The following CDYL variants were observed in gnomAD, a reference collection of about 807,000 sequenced individuals.
CDYL encodes the protein chromodomain Y like.
Under a neutral mutation model 47.3 loss-of-function variants are expected in CDYL, and 8 were observed. The observed-to-expected ratio is 0.17, with a 90% CI of 0.10 to 0.31. The LOEUF is 0.31. Among genes scored for constraint, CDYL ranks in the 10% least tolerant of loss-of-function variants. The pLI is 1.00. For missense variants in CDYL, 471 were observed against 701.4 expected, an observed-to-expected ratio of 0.67 and a Z score of 3.71; for synonymous variants, 266 against 265.0, an observed-to-expected ratio of 1.00 and a Z score of -0.04.
chr6:4,747,914 A>G (rs577066808), intron 3 of CDYL, among the ~76,000 whole-genome samples: 3 of 152,302 alleles, frequency 2.0e-5, no homozygotes, highest in East Asian at 1.9e-4. Context: ...TTCCTTCTAC[A>G]TTGTAAGTTC....
In CDYL at chr6:4,829,130, T is replaced by G. The variant is rs1365644461; in HGVS notation, c.24+52323T>G. On this transcript the variant is annotated intron_variant, in intron 1 of 6. Transcript: ENST00000397588. ...GAATGAATTGTACTTCCCTATTTCT[T>G]TATATGCTTTGTGGGGTTTTTGTTG... 2.0e-5 allele frequency among the ~76,000 whole-genome samples: 3 copies of G among 152,168 alleles called. No homozygotes were observed. The East Asian group carries it at 5.8e-4, about 29-fold the overall frequency.
chr6:4,814,629 A>G (rs1759619225), intron 1 of CDYL, among the ~76,000 whole-genome samples: 1 of 152,106 alleles, frequency 6.6e-6, no homozygotes, highest in Non-Finnish European at 1.5e-5. Flanking sequence ...AGGTTCAAGC[A>G]ATTCTCGTGC....
intron 1 of CDYL, among the ~76,000 whole-genome samples, chr6:4,826,179 C>A (rs1318716113): frequency 6.6e-6 from 1 of 152,192 alleles, no homozygotes; most frequent in African/African-American, 2.4e-5. Context: ...ACCTTATGAG[C>A]AGGTGGTTTA....
In CDYL at chr6:4,955,128, T is replaced by A. The variant is rs1328150385; in HGVS notation, c.*1072T>A. ...CATTTAATGTTCTTGGCCTCTGCTT[T>A]TATGTCTATACAATATACTGAGTTC... On this transcript the variant is annotated 3_prime_UTR_variant, in exon 7 of 7. Coordinates refer to ENST00000397588, the MANE Select transcript of CDYL (RefSeq NM_004824.4). The A allele has an allele frequency of 6.6e-6, 1 of 152,662 alleles. No individual in the cohort carries two copies. Among genetic ancestry groups the A allele is most frequent in the African/African-American group, 2.4e-5 (1 of 41,450 alleles). 9.5% of individuals were successfully genotyped at this position (152,662 alleles called of 1,614,324 possible).
chr6:4,830,963 A>G (rs1427765751), intron 1 of CDYL, among the ~76,000 whole-genome samples: 1 of 152,040 alleles, frequency 6.6e-6, no homozygotes, highest in African/African-American at 2.4e-5. Flanking sequence ...ATAGTATTCC[A>G]TGGTGTATAT....
chr6:4,716,666 C>T (rs1000320466), intron 2 of CDYL, among the ~76,000 whole-genome samples: 1 of 144,190 alleles, frequency 6.9e-6, no homozygotes, highest in African/African-American at 2.6e-5. Flanking sequence ...AGATAGAATG[C>T]AAAAGTGGTT....
intron 1 of CDYL, among the ~76,000 whole-genome samples, chr6:4,844,830 G>C (rs759781501): frequency 2.0e-5 from 3 of 151,922 alleles, no homozygotes; most frequent in Non-Finnish European, 4.4e-5. Context: ...GAGATGTGAA[G>C]TATTATAGCT....
intron 1 of CDYL, among the ~76,000 whole-genome samples, chr6:4,855,783 T>G (rs1469204018): frequency 1.3e-5 from 2 of 152,232 alleles, no homozygotes; most frequent in African/African-American, 4.8e-5. Context: ...TGGCTCGTTT[T>G]ATGAAATGAT....
At chr6:4,760,031 T>C (rs1228518533) in intron 3 of CDYL, among the ~76,000 whole-genome samples, 2 of 151,826 alleles carry the variant, frequency 1.3e-5, no homozygotes, top group Non-Finnish European at 2.9e-5. Flanking sequence ...TTTACCCCTA[T>C]TCTCAAAAGC....
At chr6:4,851,214 T>C (rs1760816522) in intron 1 of CDYL, among the ~76,000 whole-genome samples, 1 of 152,222 alleles carries the variant, frequency 6.6e-6, no homozygotes, top group Non-Finnish European at 1.5e-5. Flanking sequence ...GGGCCAAAGT[T>C]ACCTTTGGTT....
intron 3 of CDYL, among the ~76,000 whole-genome samples, chr6:4,735,801 C>T (rs1007678372): frequency 3.9e-5 from 6 of 152,074 alleles, no homozygotes; most frequent in South Asian, 4.2e-4. Flanking sequence ...TTAATGTATA[C>T]GTGCACCCCC....
chr6:4,888,993 A>C (rs1223279284), intron 1 of CDYL, among the ~76,000 whole-genome samples: 1 of 152,222 alleles, frequency 6.6e-6, no homozygotes, highest in Non-Finnish European at 1.5e-5. Flanking sequence ...CTTAAGACTT[A>C]GCATATGGTC....
chr6:4,794,398 G>A (rs549430384), intron 1 of CDYL, among the ~76,000 whole-genome samples: 1 of 152,138 alleles, frequency 6.6e-6, no homozygotes, highest in South Asian at 2.1e-4. Context: ...GGAGTATGGA[G>A]ACTGGAGTCT....
At chr6:4,754,752 A>G (rs1275264755) in intron 3 of CDYL, among the ~76,000 whole-genome samples, 1 of 152,194 alleles carries the variant, frequency 6.6e-6, no homozygotes, top group Non-Finnish European at 1.5e-5. Context: ...TTTGATTACT[A>G]TAATTTCGAA....
chr6:4,723,528 G>A (rs1370535620), intron 2 of CDYL, among the ~76,000 whole-genome samples: 1 of 152,138 alleles, frequency 6.6e-6, no homozygotes, highest in Non-Finnish European at 1.5e-5. Context: ...AGTGGGGGCT[G>A]CCAGCACCTG....
chr6:4,749,132 TG>T (rs1020276330), intron 3 of CDYL, among the ~76,000 whole-genome samples: 1 of 152,148 alleles, frequency 6.6e-6, no homozygotes, highest in African/African-American at 2.4e-5. Context: ...TCTCAAAAAC[TG>T]GGGGGAAAAA....
At chr6:4,725,717 C>A (rs541211302) in intron 2 of CDYL, among the ~76,000 whole-genome samples, 52 of 152,362 alleles carry the variant, frequency 3.4e-4, no homozygotes, top group African/African-American at 1.2e-3. Flanking sequence ...CTGAGGGAAG[C>A]AGCTCCAGCC....
intron 1 of CDYL, among the ~76,000 whole-genome samples, chr6:4,864,397 A>T (rs140444735): frequency 9.8e-5 from 15 of 152,320 alleles, no homozygotes; most frequent in African/African-American, 2.4e-4. Context: ...TTATTGACTA[A>T]AATTTGTAGC....
intron 3 of CDYL, among the ~76,000 whole-genome samples, chr6:4,757,823 G>A (rs1254318784): frequency 2.0e-5 from 3 of 152,096 alleles, no homozygotes; most frequent in African/African-American, 7.2e-5. Context: ...GATTACTTGA[G>A]CCTAGGAGTT....
Sources: gnomAD v4.1 joint callset for allele counts (sites outside exome capture counted in the v4.1 genomes callset) on GRCh38, gnomAD v4.1.1 for gene constraint, MANE v1.5 for transcripts, NCBI Gene and HGNC (gene_info 2026-07-23, HGNC 2026-07-21) for gene names.